The following DHX29 variants were observed in gnomAD, a reference collection of about 807,000 sequenced individuals.
DHX29 encodes DExH-box helicase 29.
A neutral mutation model predicts 167.9 loss-of-function variants in DHX29; 79 were observed. That is an observed-to-expected ratio of 0.47 (90% CI 0.39 to 0.57). The LOEUF is 0.57. DHX29 is among the 20% of genes least tolerant of loss of function. DHX29 has a pLI of 0.00. For missense variants in DHX29, 1,347 were observed against 1,593.4 expected (o/e 0.85, Z 2.63); for synonymous variants, 530 against 546.0 (o/e 0.97, Z 0.41).
chr5:55,297,263 C>CT lies in DHX29; in HGVS notation c.375+21dup, dbSNP rs769074404. The CT allele has an allele frequency of 2.4e-5, 28 of 1,180,060 alleles. No homozygotes were observed. In the African/African-American group the frequency reaches 4.1e-4, roughly 17 times the overall value. The allele number at this position is 1,180,060 out of a possible 1,614,324, so 73.1% of individuals were successfully genotyped here. On this transcript the variant is annotated intron_variant, in intron 3 of 26. Transcript: ENST00000251636. ...AAAATGCTTCACTAAAACTAAGGAA[C>CT]TTTAAAAAGTTTGCAAAATACCTGC...
rs1018734135 is a variant in DHX29 at position 55,285,216 on chromosome 5, G to A, written c.1356+77C>T. On this transcript the variant is annotated intron_variant, in intron 10 of 26. Transcript: ENST00000251636. ...GAGAAAGGATTAATCAGAAGAAACA[G>A]TCAATAAAGAGAAAATTGAACCATA... is the stretch of plus-strand genomic sequence containing the variant. The A allele has an allele frequency of 1.9e-6, 3 of 1,558,828 alleles. No individual in the cohort carries two copies. In the African/African-American group the frequency reaches 4.1e-5, roughly 21 times the overall value.
intron 1 of DHX29, among the ~76,000 whole-genome samples, chr5:55,304,609 TATG>T (rs908638861): frequency 6.6e-6 from 1 of 152,026 alleles, no homozygotes; most frequent in African/African-American, 2.4e-5. Flanking sequence ...CACCTTCTTA[TATG>T]ATGCCTTCCT....
At chr5:55,265,106 AAC>A (rs1205499801) in intron 23 of DHX29, among the ~76,000 whole-genome samples, 1 of 151,584 alleles carries the variant, frequency 6.6e-6, no homozygotes, top group Non-Finnish European at 1.5e-5. Flanking sequence ...AAAAAAAAAA[AAC>A]AAAGATGAAG....
rs768162890 is a variant in DHX29, at chr5:55,283,377, T to C, written c.1791A>G (p.Thr597=). Residue 597 remains threonine (T), a synonymous_variant, in exon 11 of 27, where the codon ACA becomes ACG. Transcript: ENST00000251636. ...RHRVVVVAGE[T]GSGKSTQVPH... ...GTACCTGAGTACTTTTACCACTCCC[T>C]GTTTCACCTGCCACAACCACTACCC... The C allele has an allele frequency of 1.2e-5, 19 of 1,614,054 alleles. No homozygotes were observed. The highest frequency in any genetic ancestry group is 5.0e-5 in the Admixed American group (3 of 60,008).
At chr5:55,289,046 TCA>T (rs1328489145) in intron 8 of DHX29, among the ~76,000 whole-genome samples, 9 of 152,186 alleles carry the variant, frequency 5.9e-5, no homozygotes, top group Admixed American at 4.6e-4. Context: ...TGGAGATGAA[TCA>T]GAGAGAGATG....
chr5:55,302,961 A>G (rs1170425839), intron 1 of DHX29, among the ~76,000 whole-genome samples: 3 of 152,198 alleles, frequency 2.0e-5, no homozygotes, highest in Non-Finnish European at 4.4e-5. Context: ...TTAGTATGCA[A>G]TATCTCCAAG....
chr5:55,269,282 T>A (rs907301154), intron 21 of DHX29, 131 bp downstream of exon 21: 1 of 714,070 alleles, frequency 1.4e-6, no homozygotes, highest in Non-Finnish European at 2.2e-6. Context: ...ATTCAGGCCC[T>A]CTCGGTTTTA....
rs370708252 is a variant in DHX29 at position 55,267,115 on chromosome 5, G to A, written c.3525+23C>T. ...ATTATAGTTACCCATGACTCTGAGT[G>A]AGAGATCCATATTAAGAATTACCTC... On this transcript the variant is annotated intron_variant, in intron 23 of 26. Coordinates refer to ENST00000251636, the MANE Select transcript of DHX29 (RefSeq NM_019030.4). The A allele has an allele frequency of 4.7e-6, 7 of 1,475,898 alleles. No homozygotes were observed. The African/African-American group carries it at 9.7e-5, about 21-fold the overall frequency. 91.4% of individuals were successfully genotyped at this position (1,475,898 alleles called of 1,614,324 possible).
chr5:55,306,781 T>C (rs569961701), intron 1 of DHX29, among the ~76,000 whole-genome samples: 47 of 152,330 alleles, frequency 3.1e-4, no homozygotes, highest in South Asian at 1.5e-3. Context: ...GGCCTGCTCA[T>C]CTGCAGCAGG....
intron 8 of DHX29, among the ~76,000 whole-genome samples, chr5:55,287,046 A>C (rs536905289): frequency 6.6e-6 from 1 of 152,300 alleles, no homozygotes; most frequent in East Asian, 1.9e-4. Flanking sequence ...TACACATCAT[A>C]ATTTGTAATT....
At chr5:55,293,789 T>C (rs945269087) in intron 6 of DHX29, among the ~76,000 whole-genome samples, 1 of 152,216 alleles carries the variant, frequency 6.6e-6, no homozygotes, top group African/African-American at 2.4e-5. Flanking sequence ...AAAAATCATT[T>C]TAAAATATTT....
chr5:55,269,665 G>A (rs2111823940), intron 20 of DHX29, 28 bp from the exon 21 acceptor site: 1 of 1,576,994 alleles, frequency 6.3e-7, no homozygotes, highest in Admixed American at 1.7e-5. Context: ...AATAAAATTG[G>A]TATGAAATCA....
chr5:55,259,966 AT>A (rs1296207718), intron 25 of DHX29, 22 bp from the exon 26 acceptor site: 1 of 1,453,792 alleles, frequency 6.9e-7, no homozygotes, highest in Non-Finnish European at 9.6e-7. Context: ...AGTTGAAAAA[AT>A]GGACAAAGTC....
chr5:55,259,093 AC>A (rs1746186456), intron 26 of DHX29, among the ~76,000 whole-genome samples: 1 of 151,828 alleles, frequency 6.6e-6, no homozygotes, highest in Non-Finnish European at 1.5e-5. Flanking sequence ...CAATCTTCCC[AC>A]CTCAGCCTTC....
chr5:55,267,350 A>G (rs1746630552), intron 22 of DHX29, 119 bp from the exon 23 acceptor site: 3 of 729,434 alleles, frequency 4.1e-6, no homozygotes, highest in Non-Finnish European at 6.7e-6. Flanking sequence ...AAGGGGAGGG[A>G]TCTTGCTTGT....
chr5:55,299,306 A>G (rs1748484699), intron 1 of DHX29, among the ~76,000 whole-genome samples: 1 of 152,294 alleles, frequency 6.6e-6, no homozygotes, highest in South Asian at 2.1e-4. Context: ...AACTTCTAAG[A>G]TATGATTGTT....
At chr5:55,298,840 C>T (rs970064355) in intron 1 of DHX29, among the ~76,000 whole-genome samples, 176 bp from the exon 2 acceptor site, 12 of 150,904 alleles carry the variant, frequency 8.0e-5, no homozygotes, top group African/African-American at 2.7e-4. Context: ...ACCATCCTGG[C>T]TAACAAGGTG....
At chr5:55,263,395 T>TTCA (rs1216619586) in intron 23 of DHX29, among the ~76,000 whole-genome samples, 6 of 152,312 alleles carry the variant, frequency 3.9e-5, no homozygotes, top group African/African-American at 1.4e-4. Context: ...TAATGGCAAC[T>TTCA]TCATTTAATC....
intron 16 of DHX29, among the ~76,000 whole-genome samples, chr5:55,274,086 CAAAAA>C (rs201970753): frequency 2.7e-5 from 2 of 73,782 alleles, no homozygotes; most frequent in Non-Finnish European, 3.1e-5. Context: ...GACTCTGCCT[CAAAAA>C]AAAAAAAAAA....
Sources: gnomAD v4.1 joint callset for allele counts (sites outside exome capture counted in the v4.1 genomes callset) on GRCh38, gnomAD v4.1.1 for gene constraint, MANE v1.5 for transcripts, NCBI Gene and HGNC (gene_info 2026-07-23, HGNC 2026-07-21) for gene names.